Variants in CARD14 observed in about 807,000 individuals in gnomAD.
The protein encoded by CARD14 is caspase recruitment domain-containing protein 14.
Under a neutral mutation model 111.5 loss-of-function variants are expected in CARD14, and 107 were observed. The observed-to-expected ratio is 0.96, with a 90% confidence interval of 0.82 to 1.13. The LOEUF (loss-of-function observed/expected upper bound fraction) is 1.13. Ranked by LOEUF, CARD14 falls within the 50% of genes most tolerant of loss-of-function variation. CARD14 has a pLI of 0.00. For missense variants in CARD14, 1,322 were observed against 1,362.3 expected (o/e 0.97, Z 0.47); for synonymous variants, 617 against 579.6 (o/e 1.06, Z -0.93).
At chr17:80,205,316 C>A in intron 21 of CARD14, 111 bp downstream of exon 21, 1 of 1,166,790 alleles carries the variant, frequency 8.6e-7, no homozygotes. Flanking sequence ...CCCCACCACG[C>A]ACATTCCCAC....
chr17:80,179,789 G>A (rs1473053364), intron 4 of CARD14, among the ~76,000 whole-genome samples: 1 of 152,158 alleles, frequency 6.6e-6, no homozygotes, highest in Non-Finnish European at 1.5e-5. Flanking sequence ...CCACGATCAC[G>A]CTACTGCGTT....
At position 80,182,598 on chromosome 17, in the gene CARD14, G is replaced by C. The variant is rs112948236; in HGVS notation, c.212-55G>C. 1.9e-6 allele frequency: 3 copies of C among 1,600,356 alleles called. No individual in the cohort carries two copies. The highest frequency in any genetic ancestry group is 2.3e-5 in the East Asian group (1 of 44,360). The stretch of plus-strand genomic sequence containing the variant: ...CCCCCGTGGGGAAGCCAGCCAGGGA[G>C]CCCAGCCCCCTTGGTAGCTGGGTTC... On this transcript the variant is annotated intron_variant, in intron 5 of 23. Coordinates refer to ENST00000648509, the MANE Select transcript of CARD14 (RefSeq NM_001366385.1). The surrounding 1 kb of genome is among the most constrained non-coding windows in gnomAD (Gnocchi z 4.7).
intron 9 of CARD14, among the ~76,000 whole-genome samples, chr17:80,190,136 T>C (rs1451649736): frequency 6.6e-6 from 1 of 151,754 alleles, no homozygotes; most frequent in Admixed American, 6.6e-5. Context: ...AGCCAGGGAC[T>C]TAGGTGAGGA....
Position 80,173,881 on chromosome 17 carries a change from A to G in CARD14, c.-367+653A>G, listed in dbSNP as rs542583911. 3.3e-3 allele frequency among the ~76,000 whole-genome samples: 507 copies of G among 152,012 alleles called. 2 individuals carry two copies. Among genetic ancestry groups the G allele is most frequent in the African/African-American group, 0.012 (488 of 41,474 alleles). On this transcript the variant is annotated intron_variant, in intron 2 of 23. Transcript: ENST00000648509. Reference sequence around the variant, plus strand: ...CAAAGTGCTGGGATTACAGGCGTGAACCATCGCGCCCAGCCAAAAAATATT... The same window carrying G: ...CAAAGTGCTGGGATTACAGGCGTGAGCCATCGCGCCCAGCCAAAAAATATT...
chr17:80,205,822 T>G, intron 22 of CARD14, 170 bp downstream of exon 22: 1 of 595,868 alleles, frequency 1.7e-6, no homozygotes, highest in Admixed American at 3.4e-5. Context: ...TCTCAGCCAG[T>G]TAGGATCCAC....
rs2040671964 is a variant in CARD14 at position 80,195,319 on chromosome 17, A to T, written c.1485A>T (p.Glu495Asp). 1 of 1,611,830 alleles carries T rather than the reference A, an allele frequency of 6.2e-7. No homozygotes were observed. Among genetic ancestry groups the T allele is most frequent in the Admixed American group, 1.7e-5 (1 of 59,908 alleles). ...GGGTGGCCGAGGACTTCGGGGAAGAACCCTGGTCTTTCAGGTAGAGCACTG... is the reference window on the plus strand; with the variant it reads ...GGGTGGCCGAGGACTTCGGGGAAGATCCCTGGTCTTTCAGGTAGAGCACTG... ...YKRVAEDFGEEPWSFSSCLEI... is the reference protein window; with the variant it reads ...YKRVAEDFGEDPWSFSSCLEI... The change falls in exon 13 of 24, where the codon GAA (glutamate) becomes GAT (aspartate). Residue 495 changes from glutamate (E) to aspartate (D), a missense_variant. Transcript: ENST00000648509. This position sits in a 1 kb window ranked among gnomAD's most constrained non-coding sequence, Gnocchi z 4.7.
intron 10 of CARD14, 116 bp downstream of exon 10, chr17:80,191,015 AG>A: frequency 7.1e-7 from 1 of 1,410,276 alleles, no homozygotes; most frequent in Non-Finnish European, 9.6e-7. Flanking sequence ...CCCAGATTTC[AG>A]GGTCTCTTTC....
chr17:80,188,526 C>T lies in CARD14; in HGVS notation c.825C>T (p.Arg275=). 1.3e-6 allele frequency: 2 copies of T among 1,521,064 alleles called. No homozygotes were observed. Among genetic ancestry groups the T allele is most frequent in the South Asian group, 2.6e-5 (2 of 77,166 alleles). 94.2% of individuals were successfully genotyped at this position (1,521,064 alleles called of 1,614,324 possible). ...TGAAGGAGGAGAATGAGAAACTGCG[C>T]TCGCTGACTTTCAGCCTGGTAGGTT... ...NRLKEENEKL[R]SLTFSLAEKD... Residue 275 remains arginine, a synonymous_variant, in exon 8 of 24, where the codon CGC becomes CGT. Transcript: ENST00000648509. The surrounding 1 kb of genome is among the most constrained non-coding windows in gnomAD (Gnocchi z 4.5).
chr17:80,188,271 T>C lies in CARD14; in HGVS notation c.676-106T>C. On this transcript the variant is annotated intron_variant, in intron 7 of 23. Coordinates refer to ENST00000648509, the MANE Select transcript of CARD14 (RefSeq NM_001366385.1). This position sits in a 1 kb window ranked among gnomAD's most constrained non-coding sequence, Gnocchi z 4.5. ...TTCAGTCTCGAGGCAGGAAGCCCCC[T>C]GAGTGCTAAAAGCATCATTAGGAGG... The C allele has an allele frequency of 1.7e-6, 2 of 1,193,088 alleles. No homozygotes were observed. Among genetic ancestry groups the C allele is most frequent in the East Asian group, 3.0e-5 (1 of 32,862 alleles). 73.9% of individuals were successfully genotyped at this position (1,193,088 alleles called of 1,614,324 possible).
At position 80,201,449 on chromosome 17, in the gene CARD14, C is replaced by T. The variant is rs1027046353; in HGVS notation, c.1852-295C>T. 5.7e-5 allele frequency: 22 copies of T among 387,494 alleles called. No individual in the cohort carries two copies. The Admixed American group carries it at 6.1e-4, about 11-fold the overall frequency. 24.0% of individuals were successfully genotyped at this position (387,494 alleles called of 1,614,324 possible). ...TTCTAGAACCGAGGTTCTTTCTTTT[C>T]TTTTCTTTTCTTTTTCAAGACAGGA... On this transcript the variant is annotated intron_variant, in intron 16 of 23. Transcript: ENST00000648509. The surrounding 1 kb of genome is among the most constrained non-coding windows in gnomAD (Gnocchi z 5.0).
chr17:80,199,074 T>A, intron 16 of CARD14: 1 of 250,342 alleles, frequency 4.0e-6, no homozygotes, highest in Non-Finnish European at 6.4e-6. Context: ...CTCAGCCTCT[T>A]AAGTAGCTGG....
chr17:80,205,216 G>T lies in CARD14; in HGVS notation c.2569+11G>T. ...AGAAGTGCCTGGCAGGTATGCTGTTGCCTGGGAATCCCTCTACCCCTTCCA... is the reference window on the plus strand; with the variant it reads ...AGAAGTGCCTGGCAGGTATGCTGTTTCCTGGGAATCCCTCTACCCCTTCCA... On this transcript the variant is annotated intron_variant, in intron 21 of 23. Transcript: ENST00000648509. The T allele has an allele frequency of 6.2e-7, 1 of 1,606,232 alleles. No individual in the cohort carries two copies. Among genetic ancestry groups the T allele is most frequent in the Non-Finnish European group, 8.5e-7 (1 of 1,175,052 alleles).
Position 80,191,327 on chromosome 17 carries a change from A to G in CARD14, c.1094A>G (p.Tyr365Cys). The G allele has an allele frequency of 3.1e-6, 5 of 1,611,336 alleles. No homozygotes were observed. The highest frequency in any genetic ancestry group is 2.7e-5 in the African/African-American group (2 of 74,972). The change falls in exon 11 of 24, where the codon TAC becomes TGC. Residue 365 changes from tyrosine to cysteine, a missense_variant. Transcript: ENST00000648509. ...CELQKERDQA[Y>C]SARDSAQREI... is the part of the protein sequence containing the mutation. ...TACTCCCGTCGTGGCCCACAGGCGT[A>G]CTCCGCGAGGGACAGTGCTCAGAGG...
At chr17:80,176,815 T>C (rs2040036420) in intron 2 of CARD14, among the ~76,000 whole-genome samples, 1 of 152,220 alleles carries the variant, frequency 6.6e-6, no homozygotes. Flanking sequence ...CATTCTGACT[T>C]GGAGTCAGAC....
intron 7 of CARD14, among the ~76,000 whole-genome samples, chr17:80,186,383 T>C (rs1202720409): frequency 6.6e-6 from 1 of 152,210 alleles, no homozygotes. Context: ...ATGTGACCAA[T>C]GGAACCCTTC....
At position 80,195,246 on chromosome 17, in the gene CARD14, TC is replaced by T; in HGVS notation, c.1414del (p.Arg472AlafsTer57). 2 of 1,612,308 alleles carry T rather than the reference TC, an allele frequency of 1.2e-6. No homozygotes were observed. Among genetic ancestry groups the T allele is most frequent in the African/African-American group, 2.7e-5 (2 of 75,018 alleles). On this transcript the variant is annotated frameshift_variant, in exon 13 of 24. Coordinates refer to ENST00000648509, the MANE Select transcript of CARD14 (RefSeq NM_001366385.1). LOFTEE classifies it high-confidence loss of function. The surrounding 1 kb of genome is among the most constrained non-coding windows in gnomAD (Gnocchi z 4.7). ...ATSSRELVDS[F>X]RSSSPAPPSQ... is the part of the protein sequence containing the mutation. The stretch of plus-strand genomic sequence containing the variant: ...TCCAGCCGCGAGCTGGTGGACAGCT[TC>T]CGCTCCAGCAGCCCCGCGCCCCCCA...
At chr17:80,183,041 C>G (rs1001665274) in intron 6 of CARD14, among the ~76,000 whole-genome samples, 1 of 152,194 alleles carries the variant, frequency 6.6e-6, no homozygotes, top group Non-Finnish European at 1.5e-5. Context: ...AAGGAGACCC[C>G]TGAGCGGTAG....
At chr17:80,185,079 C>T (rs945920033) in intron 7 of CARD14, among the ~76,000 whole-genome samples, 1 of 152,080 alleles carries the variant, frequency 6.6e-6, no homozygotes, top group African/African-American at 2.4e-5. Flanking sequence ...TTTAGAGGCA[C>T]TATCTCGCTC....
intron 11 of CARD14, among the ~76,000 whole-genome samples, chr17:80,191,721 A>G (rs978586924): frequency 6.6e-5 from 10 of 152,302 alleles, no homozygotes; most frequent in Admixed American, 5.2e-4. Context: ...CCTCCATATC[A>G]TCGAATGGGG....
Sources: gnomAD v4.1 joint callset for allele counts (sites outside exome capture counted in the v4.1 genomes callset) on GRCh38, gnomAD v4.1.1 for gene constraint, Gnocchi (gnomAD v3.1) non-coding constraint, MANE v1.5 for transcripts, NCBI Gene and HGNC (gene_info 2026-07-23, HGNC 2026-07-21) for gene names.